Variants in WDR70 observed in about 807,000 individuals in gnomAD.
The protein encoded by WDR70 is WD repeat-containing protein 70.
A neutral mutation model predicts 88.6 loss-of-function variants in WDR70; 53 were observed. The ratio of observed to expected loss-of-function variants is 0.60; its 90% CI spans 0.48 to 0.75. The LOEUF (loss-of-function observed/expected upper bound fraction) is 0.75. Among genes scored for constraint, WDR70 ranks in the 30% least tolerant of loss-of-function variants. The pLI is 0.00. For synonymous variants in WDR70, 280 were observed against 270.0 expected, an observed-to-expected ratio of 1.04 and a Z score of -0.36; for missense variants, 610 against 823.2, an observed-to-expected ratio of 0.74 and a Z score of 3.17.
intron 9 of WDR70, among the ~76,000 whole-genome samples, chr5:37,580,613 A>G (rs921311324): frequency 1.3e-5 from 2 of 152,182 alleles, no homozygotes; most frequent in African/African-American, 2.4e-5. Context: ...TTAAGTTCTC[A>G]TGATCATACC....
intron 5 of WDR70, among the ~76,000 whole-genome samples, chr5:37,407,596 ATAAT>A (rs757537800): frequency 1.1e-4 from 17 of 152,184 alleles, no homozygotes; most frequent in Non-Finnish European, 1.6e-4. Flanking sequence ...CAGAGGTTAA[ATAAT>A]TAGTCCAATT....
chr5:37,534,364 C>T (rs1178937091), intron 9 of WDR70, among the ~76,000 whole-genome samples: 2 of 152,154 alleles, frequency 1.3e-5, no homozygotes, highest in African/African-American at 4.8e-5. Context: ...ACATCTTTTA[C>T]TGGGTATAAA....
rs928154813 is a variant in WDR70 at position 37,702,864 on chromosome 5, G to A, written c.1278-85G>A. 27 of 1,408,932 alleles carry A rather than the reference G, an allele frequency of 1.9e-5. No homozygotes were observed. In the Admixed American group the frequency reaches 3.7e-4, roughly 19 times the overall value. 87.3% of individuals were successfully genotyped at this position (1,408,932 alleles called of 1,614,324 possible). A position where few individuals can be genotyped will look rare whatever the true frequency, so the allele number is the denominator to read the frequency against. ...AGCCCTATATAGGAGTTACAGAGATGTTTATATTTTATTTAATTCACTAAT... is the reference window on the plus strand; with the variant it reads ...AGCCCTATATAGGAGTTACAGAGATATTTATATTTTATTTAATTCACTAAT... On this transcript the variant is annotated intron_variant, in intron 12 of 17. Transcript: ENST00000265107.
At chr5:37,546,510 T>C (rs949673682) in intron 9 of WDR70, among the ~76,000 whole-genome samples, 10 of 152,264 alleles carry the variant, frequency 6.6e-5, no homozygotes, top group African/African-American at 1.9e-4. Flanking sequence ...GATTATATAC[T>C]GTAGAAGATG....
intron 9 of WDR70, among the ~76,000 whole-genome samples, chr5:37,589,745 T>C (rs78748159): frequency 0.019 from 2,925 of 151,994 alleles, 86 homozygotes; most frequent in African/African-American, 0.066. Context: ...AATACAAGAA[T>C]TAGCTGGCCA....
intron 17 of WDR70, among the ~76,000 whole-genome samples, chr5:37,745,581 A>G (rs1223264700): frequency 6.6e-6 from 1 of 150,624 alleles, no homozygotes; most frequent in Non-Finnish European, 1.5e-5. Context: ...GGATGGAGGA[A>G]AATCTACCAA....
At chr5:37,715,452 G>T (rs1457292363) in intron 13 of WDR70, among the ~76,000 whole-genome samples, 2 of 152,120 alleles carry the variant, frequency 1.3e-5, no homozygotes, top group Non-Finnish European at 2.9e-5. Flanking sequence ...CACTTAGCAA[G>T]ATGTGTAGAG....
At chr5:37,728,341 T>C (rs2112997) in intron 17 of WDR70, among the ~76,000 whole-genome samples, 112,933 of 141,736 alleles carry the variant, frequency 0.8, 45,624 homozygotes, top group East Asian at 0.89. Context: ...GAGTAAGACC[T>C]TGCCTCCAAA....
chr5:37,689,694 C>G lies in WDR70; in HGVS notation c.1093-7961C>G, dbSNP rs907588929. ...AACAAAAAGGACATCTACACCAAAA[C>G]CCCATCTGTAGGTCACCAACATCAA... On this transcript the variant is annotated intron_variant, in intron 10 of 17. Transcript: ENST00000265107. 3.9e-5 allele frequency among the ~76,000 whole-genome samples: 6 copies of G among 152,266 alleles called. No homozygotes were observed. The South Asian group carries it at 8.3e-4, about 21-fold the overall frequency.
intron 8 of WDR70, among the ~76,000 whole-genome samples, chr5:37,487,627 ATTTTTT>A: frequency 1.4e-5 from 1 of 69,070 alleles, no homozygotes; most frequent in Non-Finnish European, 3.1e-5. Context: ...ATATATATGT[ATTTTTT>A]TTTTTTTTTT....
chr5:37,720,699 C>T (rs1220783205), intron 13 of WDR70, among the ~76,000 whole-genome samples: 1 of 152,142 alleles, frequency 6.6e-6, no homozygotes, highest in Non-Finnish European at 1.5e-5. Flanking sequence ...AAACAATAAC[C>T]ACCTGGTCTC....
At chr5:37,536,032 C>T (rs1007522483) in intron 9 of WDR70, among the ~76,000 whole-genome samples, 4 of 152,080 alleles carry the variant, frequency 2.6e-5, no homozygotes, top group Non-Finnish European at 5.9e-5. Flanking sequence ...CAGTATTCTC[C>T]CCTTTGGAAG....
intron 10 of WDR70, among the ~76,000 whole-genome samples, chr5:37,641,922 G>T (rs960499289): frequency 6.6e-6 from 1 of 152,210 alleles, no homozygotes. Flanking sequence ...TGGCCAAAGA[G>T]AGTTGATGGG....
At chr5:37,733,209 A>T (rs181866841) in intron 17 of WDR70, among the ~76,000 whole-genome samples, 1 of 151,952 alleles carries the variant, frequency 6.6e-6, no homozygotes, top group Non-Finnish European at 1.5e-5. Context: ...CATCCCTTTA[A>T]TGTTGCCTAG....
chr5:37,669,104 T>G (rs543489920), intron 10 of WDR70, among the ~76,000 whole-genome samples: 70 of 152,324 alleles, frequency 4.6e-4, no homozygotes, highest in African/African-American at 1.6e-3. Flanking sequence ...CATACATGTT[T>G]TCCCCCTTTC....
intron 10 of WDR70, among the ~76,000 whole-genome samples, chr5:37,674,892 CTGT>C (rs1485342325): frequency 6.6e-6 from 1 of 151,670 alleles, no homozygotes; most frequent in Non-Finnish European, 1.5e-5. Flanking sequence ...TCTCCAGCAC[CTGT>C]TGTTTCCTGA....
At chr5:37,640,043 G>A (rs1745064737) in intron 10 of WDR70, among the ~76,000 whole-genome samples, 1 of 152,072 alleles carries the variant, frequency 6.6e-6, no homozygotes, top group Non-Finnish European at 1.5e-5. Flanking sequence ...AAGAAACCCA[G>A]GTGTGTCTGA....
At chr5:37,461,584 C>T (rs1268945523) in intron 7 of WDR70, among the ~76,000 whole-genome samples, 4 of 151,914 alleles carry the variant, frequency 2.6e-5, no homozygotes, top group Admixed American at 6.6e-5. Context: ...CCTGGGTTCA[C>T]GCCGTTCTCC....
At chr5:37,404,845 A>C (rs1402296045) in intron 5 of WDR70, among the ~76,000 whole-genome samples, 4 of 152,188 alleles carry the variant, frequency 2.6e-5, no homozygotes, top group Non-Finnish European at 5.9e-5. Context: ...TAAGGATTCT[A>C]TCCAGAGGAA....
Sources: allele counts gnomAD v4.1 joint callset (sites outside exome capture counted in the v4.1 genomes callset), GRCh38; gene constraint gnomAD v4.1.1; transcripts MANE v1.5; gene names NCBI Gene and HGNC (gene_info 2026-07-23, HGNC 2026-07-21).